The following FAR1 variants were observed in gnomAD, a reference collection of about 807,000 sequenced individuals.
FAR1 encodes the protein male sterility domain-containing protein 2.
A neutral mutation model predicts 61.1 loss-of-function variants in FAR1; 22 were observed. That is an observed-to-expected ratio of 0.36 (90% CI 0.26 to 0.51). The LOEUF (loss-of-function observed/expected upper bound fraction) is 0.51. FAR1 is among the 20% of genes least tolerant of loss of function. FAR1 has a pLI of 0.95. For synonymous variants in FAR1, 206 were observed against 209.7 expected (o/e 0.98, Z 0.15); for missense variants, 359 against 626.9 (o/e 0.57, Z 4.56).
intron 5 of FAR1, among the ~76,000 whole-genome samples, chr11:13,711,253 A>G (rs1429199650): frequency 2.0e-5 from 3 of 152,164 alleles, no homozygotes; most frequent in African/African-American, 7.2e-5. Flanking sequence ...AATTCCTGGA[A>G]TGAGAGAAAG....
chr11:13,678,097 A>G (rs1848087206), intron 1 of FAR1, among the ~76,000 whole-genome samples: 1 of 152,228 alleles, frequency 6.6e-6, no homozygotes, highest in Non-Finnish European at 1.5e-5. Context: ...CGTTTTGAGT[A>G]TGCATATGTG....
At chr11:13,692,791 AATTAT>A (rs1380520404) in intron 1 of FAR1, among the ~76,000 whole-genome samples, 1 of 152,062 alleles carries the variant, frequency 6.6e-6, no homozygotes, top group African/African-American at 2.4e-5. Flanking sequence ...CTTTTTTAGT[AATTAT>A]ATTATGGATG....
At chr11:13,696,436 A>G (rs1848307094) in intron 2 of FAR1, among the ~76,000 whole-genome samples, 1 of 152,026 alleles carries the variant, frequency 6.6e-6, no homozygotes, top group African/African-American at 2.4e-5. Context: ...TGCTGGCCAG[A>G]ATTGAGGGTC....
At chr11:13,716,955 C>T (rs1199638590) in intron 9 of FAR1, among the ~76,000 whole-genome samples, 26 of 121,230 alleles carry the variant, frequency 2.1e-4, no homozygotes, top group Admixed American at 8.9e-4. Context: ...CCCCACCCCA[C>T]GACAGGCCCC....
intron 9 of FAR1, among the ~76,000 whole-genome samples, chr11:13,716,148 A>G (rs1262418535): frequency 1.3e-5 from 2 of 152,192 alleles, no homozygotes; most frequent in African/African-American, 4.8e-5. Context: ...GTGGCAGTGC[A>G]TGCTTTCTTT....
intron 1 of FAR1, among the ~76,000 whole-genome samples, chr11:13,679,213 A>AC (rs5789796): frequency 0.55 from 83,876 of 151,812 alleles, 23,411 homozygotes; most frequent in Non-Finnish European, 0.58. Flanking sequence ...ATATTGAAAT[A>AC]TGTGTTTCAC....
In FAR1 at chr11:13,708,098, T is replaced by C; in HGVS notation, c.545+19T>C. 6.5e-7 allele frequency: 1 copy of C among 1,537,534 alleles called. No individual in the cohort carries two copies. Among genetic ancestry groups the C allele is most frequent in the Non-Finnish European group, 8.8e-7 (1 of 1,139,358 alleles). On this transcript the variant is annotated intron_variant, in intron 4 of 11. Transcript: ENST00000354817. ...CTTTAGAGTATGTTTGTTTGAAATT[T>C]ATATACATTTACTTTGATCCCAAAA...
At chr11:13,690,757 TA>T in intron 1 of FAR1, among the ~76,000 whole-genome samples, 2 of 152,138 alleles carry the variant, frequency 1.3e-5, no homozygotes, top group Non-Finnish European at 2.9e-5. Flanking sequence ...GTTTCCATAT[TA>T]AAAAAACAGC....
intron 3 of FAR1, among the ~76,000 whole-genome samples, chr11:13,704,084 TAATA>T (rs1848407855): frequency 6.9e-6 from 1 of 145,340 alleles, no homozygotes; most frequent in Non-Finnish European, 1.5e-5. Flanking sequence ...GAAGTGAAGA[TAATA>T]AATGGAGTAA....
chr11:13,685,975 C>T (rs1010450012), intron 1 of FAR1, among the ~76,000 whole-genome samples: 1 of 152,124 alleles, frequency 6.6e-6, no homozygotes. Flanking sequence ...TATTTTAACC[C>T]CTTCACTTTC....
chr11:13,706,593 TA>T (rs1401405521), intron 3 of FAR1, among the ~76,000 whole-genome samples: 4 of 152,184 alleles, frequency 2.6e-5, no homozygotes, highest in African/African-American at 9.6e-5. Flanking sequence ...CTAATTAGCA[TA>T]TTCATTATCT....
At chr11:13,716,661 G>A (rs1431028508) in intron 9 of FAR1, among the ~76,000 whole-genome samples, 3 of 152,134 alleles carry the variant, frequency 2.0e-5, no homozygotes, top group Admixed American at 6.5e-5. Flanking sequence ...TGGAGGCTGC[G>A]TTGCCTTTTC....
chr11:13,672,714 T>C (rs1158725670), intron 1 of FAR1, among the ~76,000 whole-genome samples: 3 of 152,298 alleles, frequency 2.0e-5, no homozygotes, highest in African/African-American at 7.2e-5. Context: ...GGTAGGTGTG[T>C]TCCTATCTTG....
At chr11:13,727,743 T>C in intron 11 of FAR1, 60 bp downstream of exon 11, 4 of 1,506,558 alleles carry the variant, frequency 2.7e-6, no homozygotes, top group Non-Finnish European at 2.7e-6. Flanking sequence ...TTCCACAATT[T>C]TTTTGGTAAA....
Position 13,730,253 on chromosome 11 carries a change from T to C in FAR1, c.*1479T>C, listed in dbSNP as rs186938167. 6.6e-6 allele frequency: 1 copy of C among 152,558 alleles called. No individual in the cohort carries two copies. Among genetic ancestry groups the C allele is most frequent in the East Asian group, 1.9e-4 (1 of 5,186 alleles). 9.5% of individuals were successfully genotyped at this position (152,558 alleles called of 1,614,324 possible). A position where few individuals can be genotyped will look rare whatever the true frequency, so the allele number is the denominator to read the frequency against. On this transcript the variant is annotated 3_prime_UTR_variant, in exon 12 of 12. Transcript: ENST00000354817. The stretch of plus-strand genomic sequence containing the variant: ...ACTTTCTTTGTCAATTTAAATGCAA[T>C]GTATAAAAAGTTTATTTTGCTATTG...
At chr11:13,719,725 G>T (rs953844930) in intron 9 of FAR1, among the ~76,000 whole-genome samples, 2 of 152,026 alleles carry the variant, frequency 1.3e-5, no homozygotes, top group Non-Finnish European at 2.9e-5. Context: ...CAGGGGGAGG[G>T]CTGCTACCAG....
At chr11:13,702,579 A>G (rs1024445750) in intron 3 of FAR1, among the ~76,000 whole-genome samples, 8 of 152,188 alleles carry the variant, frequency 5.3e-5, no homozygotes, top group Non-Finnish European at 8.8e-5. Flanking sequence ...ATCTTTTCCT[A>G]AAATTCATTA....
chr11:13,700,406 C>T lies in FAR1; in HGVS notation c.279C>T (p.Leu93=), dbSNP rs1317517299. The change falls in exon 3 of 12, where the codon CTC becomes CTT. Residue 93 remains leucine (L), a synonymous_variant. Transcript: ENST00000354817. ...AACTCACCCAACCTAAACTGGCTCT[C>T]AGTGAAGAAGATAAAGAGGTGATCA... ...NSELTQPKLA[L]SEEDKEVIID... is the part of the protein sequence containing the mutation. The T allele has an allele frequency of 3.1e-6, 5 of 1,601,298 alleles. No homozygotes were observed. The highest frequency in any genetic ancestry group is 4.3e-6 in the Non-Finnish European group (5 of 1,175,404).
chr11:13,727,938 T>C (rs1339124910), intron 11 of FAR1, among the ~76,000 whole-genome samples: 1 of 151,902 alleles, frequency 6.6e-6, no homozygotes, highest in Admixed American at 6.6e-5. Context: ...ATGAGGAAAT[T>C]GAGGCTTAGG....
Sources: allele counts gnomAD v4.1 joint callset (sites outside exome capture counted in the v4.1 genomes callset), GRCh38; gene constraint gnomAD v4.1.1; transcripts MANE v1.5; gene names NCBI Gene and HGNC (gene_info 2026-07-23, HGNC 2026-07-21).